Variants in ACVR2B observed in about 807,000 individuals in gnomAD.
ACVR2B encodes the protein activin receptor type-2B.
A neutral mutation model predicts 65.1 loss-of-function variants in ACVR2B; 18 were observed. That is an observed-to-expected ratio of 0.28 (90% confidence interval 0.19 to 0.41). ACVR2B has a LOEUF of 0.41. Among genes scored for constraint, ACVR2B ranks in the 10% least tolerant of loss-of-function variants. The probability of loss-of-function intolerance (pLI) is 1.00; values close to 1 mark genes in which losing one functional copy is unlikely to be tolerated. For synonymous variants in ACVR2B, 298 were observed against 277.7 expected, an observed-to-expected ratio of 1.07 and a Z score of -0.73; for missense variants, 482 against 682.7, an observed-to-expected ratio of 0.71 and a Z score of 3.28.
rs1459098604 is a variant in ACVR2B, at chr3:38,455,268, G to A, written c.52+894G>A. 3.9e-5 allele frequency among the ~76,000 whole-genome samples: 6 copies of A among 152,158 alleles called. No individual in the cohort carries two copies. In the East Asian group the frequency reaches 1.2e-3, roughly 30 times the overall value. On this transcript the variant is annotated intron_variant, in intron 1 of 10. Transcript: ENST00000352511. ...TGGTGCCGGGGTGCGCCTAACCCCG[G>A]CGGGCGCGCCGGGACGTCCCCTGGC... is the stretch of plus-strand genomic sequence containing the variant.
At chr3:38,468,824 T>G (rs1694983872) in intron 1 of ACVR2B, among the ~76,000 whole-genome samples, 1 of 152,254 alleles carries the variant, frequency 6.6e-6, no homozygotes, top group South Asian at 2.1e-4. Flanking sequence ...GGTTTATGCA[T>G]TAAACTACTT....
At position 38,484,074 on chromosome 3, in the gene ACVR2B, A is replaced by G. The variant is rs1241155336; in HGVS notation, c.*742A>G. On this transcript the variant is annotated 3_prime_UTR_variant, in exon 11 of 11. Transcript: ENST00000352511. ...GAGGCTACTTCTCAGGTAACCAGGA[A>G]TTGAGGGGAAGGACCTTGTGGAGGC... is the stretch of plus-strand genomic sequence containing the variant. 6.5e-6 allele frequency: 1 copy of G among 152,730 alleles called. No individual in the cohort carries two copies. The highest frequency in any genetic ancestry group is 1.5e-5 in the Non-Finnish European group (1 of 68,148). 9.5% of individuals were successfully genotyped at this position (152,730 alleles called of 1,614,324 possible).
At chr3:38,462,222 T>C (rs140981514) in intron 1 of ACVR2B, among the ~76,000 whole-genome samples, 2,687 of 148,608 alleles carry the variant, frequency 0.018, 43 homozygotes, top group South Asian at 0.049. Flanking sequence ...AACAAACAAA[T>C]AAATAAATAA....
rs201686292 is a variant in ACVR2B, at chr3:38,477,381, C to T, written c.147C>T (p.Cys49=). 6.9e-4 allele frequency: 1,119 copies of T among 1,614,150 alleles called. 11 individuals are homozygous for T. The South Asian group carries it at 0.011, about 16-fold the overall frequency. Residue 49 remains cysteine (C), a synonymous_variant, in exon 2 of 11, where the codon TGC becomes TGT. Coordinates refer to ENST00000352511, the MANE Select transcript of ACVR2B (RefSeq NM_001106.4). The surrounding 1 kb of genome is among the most constrained non-coding windows in gnomAD (Gnocchi z 6.7). ...ERTNQSGLER[C]EGEQDKRLHC... ...CCAACCAGAGCGGCCTGGAGCGCTG[C>T]GAAGGCGAGCAGGACAAGCGGCTGC...
In ACVR2B at chr3:38,490,779, T is replaced by C. The variant is rs2059804993; in HGVS notation, c.*7447T>C. 1 of 152,644 alleles carries C rather than the reference T, an allele frequency of 6.6e-6. No individual in the cohort carries two copies. 9.5% of individuals were successfully genotyped at this position (152,644 alleles called of 1,614,324 possible). A position where few individuals can be genotyped will look rare whatever the true frequency, so the allele number is the denominator to read the frequency against. On this transcript the variant is annotated 3_prime_UTR_variant, in exon 11 of 11. Transcript: ENST00000352511. ...ACACATGCAGGAACCCTGCTGAGCGTGGGCACTTGTTTTAAAGCAAAACTC... is the reference window on the plus strand; with the variant it reads ...ACACATGCAGGAACCCTGCTGAGCGCGGGCACTTGTTTTAAAGCAAAACTC...
intron 1 of ACVR2B, among the ~76,000 whole-genome samples, chr3:38,457,156 A>G (rs1262375580): frequency 6.6e-6 from 1 of 152,198 alleles, no homozygotes; most frequent in Admixed American, 6.5e-5. Flanking sequence ...GTGAGCCGAG[A>G]TCATGTCACT....
chr3:38,474,457 G>C (rs528400733), intron 1 of ACVR2B: 1 of 152,460 alleles, frequency 6.6e-6, no homozygotes, highest in South Asian at 2.1e-4. Context: ...TGTTGCTCTA[G>C]CCATGATACC....
chr3:38,462,925 A>G (rs568645544), intron 1 of ACVR2B, among the ~76,000 whole-genome samples: 3 of 152,324 alleles, frequency 2.0e-5, no homozygotes, highest in African/African-American at 7.2e-5. Context: ...GTGATATGGC[A>G]GTTGGCTCTC....
intron 1 of ACVR2B, among the ~76,000 whole-genome samples, chr3:38,467,586 A>AC (rs1553674553): frequency 4.6e-5 from 5 of 108,524 alleles, no homozygotes; most frequent in Non-Finnish European, 7.2e-5. Flanking sequence ...CCCCATCTCT[A>AC]CAAAAAAAAA....
chr3:38,457,873 G>A (rs1709576837), intron 1 of ACVR2B, among the ~76,000 whole-genome samples: 1 of 152,186 alleles, frequency 6.6e-6, no homozygotes, highest in South Asian at 2.1e-4. Context: ...TGTAGCGGTA[G>A]CTGCCAAGGA....
chr3:38,459,039 TGA>T (rs1709595561), intron 1 of ACVR2B, among the ~76,000 whole-genome samples: 1 of 152,134 alleles, frequency 6.6e-6, no homozygotes, highest in East Asian at 1.9e-4. Flanking sequence ...CTGGCAGAGG[TGA>T]GAGCAAAATC....
At chr3:38,459,474 C>T (rs1389951780) in intron 1 of ACVR2B, 1 of 467,714 alleles carries the variant, frequency 2.1e-6, no homozygotes, top group East Asian at 1.5e-4. Context: ...TGGGGACTCT[C>T]TGCCTGCCCA....
At chr3:38,460,593 A>T (rs914189162) in intron 1 of ACVR2B, among the ~76,000 whole-genome samples, 2 of 152,034 alleles carry the variant, frequency 1.3e-5, no homozygotes, top group Admixed American at 1.3e-4. Context: ...CCTTTTTCAG[A>T]TTCTTTCTGG....
rs190430024 is a variant in ACVR2B, at chr3:38,472,863, G to T, written c.53-4424G>T. ...TTCTCCCTTTTCTCCTCAGGGCATA[G>T]TGGGTATGTCCAAGGCCTACTGGAC... On this transcript the variant is annotated intron_variant, in intron 1 of 10. Transcript: ENST00000352511. 8.5e-5 allele frequency among the ~76,000 whole-genome samples: 13 copies of T among 152,328 alleles called. No individual in the cohort carries two copies. The East Asian group carries it at 2.5e-3, about 29-fold the overall frequency.
rs763944090 is a variant in ACVR2B at position 38,478,368 on chromosome 3, C to T, written c.523-7C>T. The T allele has an allele frequency of 3.3e-5, 53 of 1,613,860 alleles. No individual in the cohort carries two copies. Among genetic ancestry groups the T allele is most frequent in the Non-Finnish European group, 4.2e-6 (5 of 1,179,978 alleles). On this transcript the variant is annotated splice_polypyrimidine_tract_variant and splice_region_variant and intron_variant, in intron 4 of 10. Transcript: ENST00000352511. Reference sequence around the variant, plus strand: ...GCCAGACCTTTTTAAGCCTTGCTCTCCCCCAGGACCCTGGGCCTCCACCAC... The same window carrying T: ...GCCAGACCTTTTTAAGCCTTGCTCTTCCCCAGGACCCTGGGCCTCCACCAC...
chr3:38,481,551 G>C lies in ACVR2B; in HGVS notation c.1074+86G>C. 4 of 1,070,196 alleles carry C rather than the reference G, an allele frequency of 3.7e-6. No individual in the cohort carries two copies. Among genetic ancestry groups the C allele is most frequent in the Non-Finnish European group, 5.8e-6 (4 of 690,752 alleles). The allele number at this position is 1,070,196 out of a possible 1,614,324, so 66.3% of individuals were successfully genotyped here. On this transcript the variant is annotated intron_variant, in intron 8 of 10. Coordinates refer to ENST00000352511, the MANE Select transcript of ACVR2B (RefSeq NM_001106.4). The surrounding 1 kb of genome is among the most constrained non-coding windows in gnomAD (Gnocchi z 4.7). ...TTGTGCTCAGCTGGGGAGGTGCAGG[G>C]ATGAGGGTGACTGCATGCGTTCAGA... is the stretch of plus-strand genomic sequence containing the variant.
In ACVR2B at chr3:38,483,447, A is replaced by G. The variant is rs1710056305; in HGVS notation, c.*115A>G. The G allele has an allele frequency of 1.3e-6, 1 of 752,712 alleles. No individual in the cohort carries two copies. Among genetic ancestry groups the G allele is most frequent in the East Asian group, 2.8e-5 (1 of 35,224 alleles). The allele number at this position is 752,712 out of a possible 1,614,324, so 46.6% of individuals were successfully genotyped here. On this transcript the variant is annotated 3_prime_UTR_variant, in exon 11 of 11. Coordinates refer to ENST00000352511, the MANE Select transcript of ACVR2B (RefSeq NM_001106.4). The surrounding 1 kb of genome is among the most constrained non-coding windows in gnomAD (Gnocchi z 4.8). Reference sequence around the variant, plus strand: ...AACAAACACATAAAATGCAGCTGCTATTTTACCTTGACTTTTTATTATTAT... The same window carrying G: ...AACAAACACATAAAATGCAGCTGCTGTTTTACCTTGACTTTTTATTATTAT...
intron 1 of ACVR2B, among the ~76,000 whole-genome samples, chr3:38,466,661 G>T (rs1174317583): frequency 6.6e-6 from 1 of 151,998 alleles, no homozygotes; most frequent in Non-Finnish European, 1.5e-5. Context: ...ACGCCACCAA[G>T]CCTGGCTAAT....
At chr3:38,463,398 G>A (rs1709680805) in intron 1 of ACVR2B, among the ~76,000 whole-genome samples, 1 of 152,188 alleles carries the variant, frequency 6.6e-6, no homozygotes, top group African/African-American at 2.4e-5. Context: ...GGAGAAACCT[G>A]TAGAAAAACT....
Sources: gnomAD v4.1 joint callset for allele counts (sites outside exome capture counted in the v4.1 genomes callset) on GRCh38, gnomAD v4.1.1 for gene constraint, Gnocchi (gnomAD v3.1) non-coding constraint, MANE v1.5 for transcripts, NCBI Gene and HGNC (gene_info 2026-07-23, HGNC 2026-07-21) for gene names.